The following ZNF540 variants were observed in gnomAD, a reference collection of about 807,000 sequenced individuals.
ZNF540 encodes CTD-3064H18.6.
In ZNF540, 3 loss-of-function variants were observed where a neutral mutation model predicts 11.8. The ratio of observed to expected loss-of-function variants is 0.25; its 90% CI spans 0.12 to 0.65. The LOEUF (loss-of-function observed/expected upper bound fraction) is 0.65. Among genes scored for constraint, ZNF540 ranks in the 30% least tolerant of loss-of-function variants. The pLI is 0.83. For missense variants in ZNF540, 709 were observed against 793.1 expected, an observed-to-expected ratio of 0.89 and a Z score of 1.27; for synonymous variants, 247 against 259.0, an observed-to-expected ratio of 0.95 and a Z score of 0.45.
chr19:37,566,576 C>T (rs142946934), intron 1 of ZNF540: 5 of 270,450 alleles, frequency 1.8e-5, no homozygotes, highest in Non-Finnish European at 2.8e-5. Flanking sequence ...ATAAAAACAC[C>T]CTCTTGAAAA....
At chr19:37,553,211 G>A (rs1454020973) in intron 1 of ZNF540, among the ~76,000 whole-genome samples, 2 of 117,114 alleles carry the variant, frequency 1.7e-5, no homozygotes, top group Admixed American at 2.5e-4. Context: ...TCGGCTCACT[G>A]CAACCTCCAC....
intron 4 of ZNF540, among the ~76,000 whole-genome samples, chr19:37,602,450 G>T (rs966345649): frequency 2.0e-5 from 3 of 152,092 alleles, no homozygotes; most frequent in African/African-American, 4.8e-5. Context: ...TTATTGAAAC[G>T]TAGCCATACT....
At chr19:37,572,113 T>G (rs1022066913) in intron 1 of ZNF540, among the ~76,000 whole-genome samples, 1 of 152,164 alleles carries the variant, frequency 6.6e-6, no homozygotes, top group East Asian at 1.9e-4. Flanking sequence ...GAGAAAATAC[T>G]CTCATATTTA....
At chr19:37,588,953 A>C (rs1188091522) in intron 1 of ZNF540, among the ~76,000 whole-genome samples, 1 of 152,170 alleles carries the variant, frequency 6.6e-6, no homozygotes, top group East Asian at 1.9e-4. Flanking sequence ...TAATCCCAGC[A>C]CTTTGGGAGG....
rs4803251 is a variant in ZNF540 at position 37,569,627 on chromosome 19, T to C, written c.-73+17962T>C. ...CTTATAACCTACTAGGTTGTATTCA[T>C]AACCTCTAGCAGGTTCTGCCCGGCC... On this transcript the variant is annotated intron_variant, in intron 1 of 4. Transcript: ENST00000592533. The surrounding 1 kb of genome is among the most constrained non-coding windows in gnomAD (Gnocchi z 4.4). Among the ~76,000 whole-genome samples the C allele has an allele frequency of 6.5e-4, 99 of 152,308 alleles. No individual in the cohort carries two copies. Among genetic ancestry groups the C allele is most frequent in the Middle Eastern group, 3.4e-3 (1 of 294 alleles).
intron 1 of ZNF540, chr19:37,584,248 C>T: frequency 1.1e-6 from 1 of 939,690 alleles, no homozygotes; most frequent in South Asian, 1.7e-5. Flanking sequence ...GATTCTCTAT[C>T]ATTCCTATTG....
At chr19:37,556,940 C>T (rs2042666413) in intron 1 of ZNF540, among the ~76,000 whole-genome samples, 1 of 152,186 alleles carries the variant, frequency 6.6e-6, no homozygotes, top group African/African-American at 2.4e-5. Context: ...AATGGAGCTT[C>T]TATTGAATGT....
chr19:37,563,457 T>C (rs2042742197), intron 1 of ZNF540: 1 of 152,032 alleles, frequency 6.6e-6, no homozygotes, highest in Non-Finnish European at 1.5e-5. Context: ...AAAACTGTAG[T>C]TGGTAAATTT....
At chr19:37,584,052 C>G (rs1300189568) in intron 1 of ZNF540, 1 of 1,614,130 alleles carries the variant, frequency 6.2e-7, no homozygotes. Context: ...CATTCCCATT[C>G]CTCCTGAGAG....
chr19:37,564,750 A>G (rs972064167), intron 1 of ZNF540: 1 of 1,613,812 alleles, frequency 6.2e-7, no homozygotes, highest in Non-Finnish European at 8.5e-7. Context: ...CATTCCTTAC[A>G]TTCATAGGGT....
At chr19:37,580,015 A>G (rs185584474) in intron 1 of ZNF540, among the ~76,000 whole-genome samples, 1 of 152,368 alleles carries the variant, frequency 6.6e-6, no homozygotes, top group Non-Finnish European at 1.5e-5. Context: ...CATAATATCA[A>G]TTTAGCTCAT....
intron 4 of ZNF540, among the ~76,000 whole-genome samples, chr19:37,607,218 G>A (rs1391541034): frequency 3.3e-5 from 5 of 151,896 alleles, no homozygotes; most frequent in Admixed American, 6.6e-5. Context: ...CAGGTTTCCT[G>A]TATACTCTCT....
Position 37,612,037 on chromosome 19 carries a change from A to T in ZNF540, c.757A>T (p.Thr253Ser). The T allele has an allele frequency of 6.2e-7, 1 of 1,613,178 alleles. No homozygotes were observed. The highest frequency in any genetic ancestry group is 8.5e-7 in the Non-Finnish European group (1 of 1,179,800). Residue 253 changes from threonine to serine, a missense_variant, in exon 5 of 5, where the codon ACT becomes TCT. Transcript: ENST00000316433. The stretch of plus-strand genomic sequence containing the variant: ...ATGTCAAGAATGTGGGAAGACCTTT[A>T]CTCTTTACCCACAACTTAATCGACA... ...YECQECGKTFTLYPQLNRHQK... is the reference protein window; with the variant it reads ...YECQECGKTFSLYPQLNRHQK...
intron 1 of ZNF540, among the ~76,000 whole-genome samples, chr19:37,568,758 A>G (rs1298708987): frequency 1.3e-5 from 2 of 152,200 alleles, no homozygotes; most frequent in Non-Finnish European, 2.9e-5. Flanking sequence ...ATTAATGAAA[A>G]AACTATATGG....
intron 1 of ZNF540, among the ~76,000 whole-genome samples, chr19:37,573,056 T>G (rs1188799093): frequency 2.6e-5 from 4 of 152,210 alleles, no homozygotes; most frequent in African/African-American, 9.7e-5. Context: ...GATCTAAATA[T>G]TAATCAGTTA....
chr19:37,577,625 C>G (rs952784399), intron 1 of ZNF540, among the ~76,000 whole-genome samples: 1 of 152,188 alleles, frequency 6.6e-6, no homozygotes, highest in African/African-American at 2.4e-5. Flanking sequence ...CACAGACTAA[C>G]TCATATATGT....
intron 1 of ZNF540, chr19:37,555,877 A>G: frequency 1.4e-6 from 1 of 700,710 alleles, no homozygotes; most frequent in Non-Finnish European, 2.6e-6. Context: ...ATTTAGGACG[A>G]GAAGCACGAG....
At chr19:37,588,980 A>G (rs1600536659) in intron 1 of ZNF540, among the ~76,000 whole-genome samples, 1 of 152,194 alleles carries the variant, frequency 6.6e-6, no homozygotes, top group East Asian at 1.9e-4. Context: ...CAGGTGGATC[A>G]CCTGAGGTCA....
Position 37,612,390 on chromosome 19 carries a change from T to C in ZNF540, c.1110T>C (p.Leu370=). The change falls in exon 5 of 5, where the codon CTT becomes CTC. Residue 370 remains leucine, a synonymous_variant. Coordinates refer to ENST00000316433, the MANE Select transcript of ZNF540 (RefSeq NM_001172225.3). ...CGKTFRLSFY[L]TEHRRTHAGK... is the part of the protein sequence containing the mutation. ...AGACCTTTAGACTTAGTTTTTACCT[T>C]ACTGAACACAGAAGAACTCATGCAG... 6.2e-7 allele frequency: 1 copy of C among 1,614,016 alleles called. No individual in the cohort carries two copies. Among genetic ancestry groups the C allele is most frequent in the South Asian group, 1.1e-5 (1 of 91,084 alleles).
Sources: allele counts gnomAD v4.1 joint callset (sites outside exome capture counted in the v4.1 genomes callset), GRCh38; gene constraint gnomAD v4.1.1; non-coding constraint Gnocchi (gnomAD v3.1); transcripts MANE v1.5; gene names NCBI Gene and HGNC (gene_info 2026-07-23, HGNC 2026-07-21).